MROH2B: variants seen among roughly 807,000 people sequenced by gnomAD.
MROH2B encodes maestro heat-like repeat-containing protein family member 2B.
In MROH2B, 177 loss-of-function variants were observed where a neutral mutation model predicts 208.6. The observed-to-expected ratio is 0.85, with a 90% CI of 0.75 to 0.96. MROH2B has a LOEUF of 0.96. MROH2B is among the 40% of genes least tolerant of loss of function. The pLI is 0.00. For synonymous variants in MROH2B, 728 were observed against 659.0 expected, an observed-to-expected ratio of 1.10 and a Z score of -1.60; for missense variants, 2,002 against 1,878.7, an observed-to-expected ratio of 1.07 and a Z score of -1.21.
chr5:41,054,127 G>A (rs937689677), intron 11 of MROH2B, among the ~76,000 whole-genome samples: 1 of 152,032 alleles, frequency 6.6e-6, no homozygotes, highest in East Asian at 1.9e-4. Context: ...TTACAGGTGT[G>A]AGCCAGCACA....
intron 4 of MROH2B, 132 bp downstream of exon 4, chr5:41,065,199 T>A: frequency 1.1e-6 from 1 of 921,618 alleles, no homozygotes; most frequent in Non-Finnish European, 1.6e-6. Context: ...GCTGCCCACA[T>A]CCCTCTGTCA....
intron 12 of MROH2B, 102 bp downstream of exon 12, chr5:41,052,363 C>G (rs1048967304): frequency 1.7e-6 from 2 of 1,154,930 alleles, no homozygotes; most frequent in African/African-American, 3.2e-5. Context: ...TTACTCTACT[C>G]CTGTGACAGA....
In MROH2B at chr5:40,998,674, G is replaced by C; in HGVS notation, c.4589C>G (p.Ala1530Gly). The change falls in exon 41 of 42, where the codon GCC becomes GGC. Residue 1530 changes from alanine (A) to glycine (G), a missense_variant. By Grantham distance (60) the Ala-to-Gly change is moderately conservative. Coordinates refer to ENST00000399564, the MANE Select transcript of MROH2B (RefSeq NM_173489.5). ...TTGGCTGGTCAAATTGAGAACAACG[G>C]CATCTAAAGTTAATAGGAGACCATG... is the stretch of plus-strand genomic sequence containing the variant. ...IRSAAVKLTDAVVLNLTSQYV... is the reference protein window; with the variant it reads ...IRSAAVKLTDGVVLNLTSQYV... 1 of 1,580,660 alleles carries C rather than the reference G, an allele frequency of 6.3e-7. No homozygotes were observed. The highest frequency in any genetic ancestry group is 1.2e-5 in the South Asian group (1 of 86,206).
rs747064951 is a variant in MROH2B at position 41,004,481 on chromosome 5, C to T, written c.4059G>A (p.Leu1353=). The T allele has an allele frequency of 1.9e-6, 3 of 1,613,778 alleles. No homozygotes were observed. The highest frequency in any genetic ancestry group is 1.3e-5 in the African/African-American group (1 of 74,908). ...QLMLESIIRG[L]YHLARTEVVC... is the part of the protein sequence containing the mutation. ...CGACTTCAGTGCGAGCTAGGTGATA[C>T]AGGCCTCTGATGATAGATTCTAGCA... The change falls in exon 37 of 42, where the codon CTG becomes CTA. Residue 1353 remains leucine (L), a synonymous_variant. Transcript: ENST00000399564.
intron 26 of MROH2B, 52 bp downstream of exon 26, chr5:41,018,639 G>A: frequency 6.3e-7 from 1 of 1,592,736 alleles, no homozygotes; most frequent in Admixed American, 1.7e-5. Flanking sequence ...AGTGGACATT[G>A]AAGAACAGAT....
chr5:41,005,140 C>A, intron 35 of MROH2B: 1 of 574,888 alleles, frequency 1.7e-6, no homozygotes, highest in Non-Finnish European at 3.0e-6. Flanking sequence ...CGGTTACCTG[C>A]ATAACAGATG....
At chr5:41,015,711 G>C (rs554614964) in intron 28 of MROH2B, among the ~76,000 whole-genome samples, 1 of 152,144 alleles carries the variant, frequency 6.6e-6, no homozygotes, top group African/African-American at 2.4e-5. Context: ...TCCTGTTCTC[G>C]TCTTGGTTTT....
rs139359856 is a variant in MROH2B, at chr5:41,070,121, G to T, written c.29-369C>A. Reference sequence around the variant, plus strand: ...CTGACTTAAGCATTAGAAGGCAGGGGTGCAACATAGCTGTTTATTTTTCAC... The same window carrying T: ...CTGACTTAAGCATTAGAAGGCAGGGTTGCAACATAGCTGTTTATTTTTCAC... On this transcript the variant is annotated intron_variant, in intron 1 of 41. Transcript: ENST00000399564. 8.9e-3 allele frequency among the ~76,000 whole-genome samples: 1,362 copies of T among 152,200 alleles called. 10 individuals are homozygous for T. Among genetic ancestry groups the T allele is most frequent in the Middle Eastern group, 0.024 (7 of 294 alleles).
intron 24 of MROH2B, among the ~76,000 whole-genome samples, chr5:41,025,977 A>C (rs1266859463): frequency 6.6e-6 from 1 of 152,166 alleles, no homozygotes; most frequent in Admixed American, 6.5e-5. Context: ...CCTTTGACAA[A>C]ATTCAACAGC....
Position 41,015,447 on chromosome 5 carries a change from A to G in MROH2B, c.2916T>C (p.Gly972=), listed in dbSNP as rs771307201. Residue 972 remains glycine, a synonymous_variant, in exon 29 of 42, where the codon GGT becomes GGC. Transcript: ENST00000399564. The part of the protein sequence containing the change: ...GIHLEVERLQ[G]LQEGLESDDV... ...CATCACTTTCCAGCCCTTCCTGCAA[A>G]CCCTGCAGTCTTTCCACTTCCAAGT... 6.2e-7 allele frequency: 1 copy of G among 1,613,536 alleles called. No individual in the cohort carries two copies. Among genetic ancestry groups the G allele is most frequent in the Non-Finnish European group, 8.5e-7 (1 of 1,179,660 alleles).
intron 4 of MROH2B, 52 bp from the exon 5 acceptor site, chr5:41,064,622 G>T: frequency 1.4e-6 from 2 of 1,445,740 alleles, no homozygotes. Context: ...CTCAAATTTG[G>T]GGTTCTGTGA....
chr5:41,024,181 A>G (rs1742262657), intron 24 of MROH2B, among the ~76,000 whole-genome samples: 1 of 152,338 alleles, frequency 6.6e-6, no homozygotes, highest in South Asian at 2.1e-4. Flanking sequence ...TTCACACATA[A>G]CAATATTAAC....
chr5:41,032,874 C>T (rs2150166810), intron 23 of MROH2B, 53 bp from the exon 24 acceptor site: 11 of 1,574,764 alleles, frequency 7.0e-6, no homozygotes, highest in Admixed American at 1.8e-5. Context: ...GGAAAGTTAC[C>T]AGATGCAGCT....
At position 41,004,404 on chromosome 5, in the gene MROH2B, C is replaced by T. The variant is rs753433063; in HGVS notation, c.4136G>A (p.Arg1379Gln). 8 of 1,613,972 alleles carry T rather than the reference C, an allele frequency of 5.0e-6. No individual in the cohort carries two copies. The highest frequency in any genetic ancestry group is 1.3e-5 in the African/African-American group (1 of 75,036). Residue 1379 changes from arginine to glutamine, a missense_variant, in exon 37 of 42, where the codon CGA becomes CAA. Arg to Gln is a conservative substitution (Grantham distance 43, BLOSUM62 1). Coordinates refer to ENST00000399564, the MANE Select transcript of MROH2B (RefSeq NM_173489.5). ...LKKILELLTD[R>Q]DVSFYFKEIV... ...TTCCTTGAAGTAGAAGCTCACGTCT[C>T]GGTCTGTCAGCAGCTCCAGGATTTT... is the stretch of plus-strand genomic sequence containing the variant.
chr5:41,000,396 C>T (rs770880199), intron 38 of MROH2B, 45 bp from the exon 39 acceptor site: 2 of 1,600,970 alleles, frequency 1.2e-6, no homozygotes, highest in East Asian at 2.2e-5. Flanking sequence ...ACGTTAGGAT[C>T]TCCTTCCAGA....
rs1258764312 is a variant in MROH2B, at chr5:41,039,531, A to G, written c.1978T>C (p.Cys660Arg). The change falls in exon 20 of 42, where the codon TGT (cysteine) becomes CGT (arginine). Residue 660 changes from cysteine to arginine, a missense_variant. Transcript: ENST00000399564. ...ACAATATCCAAATGGTTCTCGGCAC[A>G]GTATCCTAAAATAGATGTTATTCCC... is the stretch of plus-strand genomic sequence containing the variant. ...RQGITSILGY[C>R]AENHLDIVLK... The G allele has an allele frequency of 3.7e-6, 6 of 1,603,134 alleles. No homozygotes were observed. The South Asian group carries it at 4.5e-5, about 12-fold the overall frequency.
rs764345850 is a variant in MROH2B, at chr5:41,045,284, T to C, written c.1836+462A>G. On this transcript the variant is annotated intron_variant, in intron 18 of 41. Coordinates refer to ENST00000399564, the MANE Select transcript of MROH2B (RefSeq NM_173489.5). Reference sequence around the variant, plus strand: ...CTTTGTCACTGGAAATAAAAACCTATTTCTTTGGGCGCCCTTTCCTAGAAC... The same window carrying C: ...CTTTGTCACTGGAAATAAAAACCTACTTCTTTGGGCGCCCTTTCCTAGAAC... 5.3e-5 allele frequency among the ~76,000 whole-genome samples: 8 copies of C among 152,318 alleles called. No individual in the cohort carries two copies. The South Asian group carries it at 1.7e-3, about 32-fold the overall frequency.
chr5:41,005,548 C>A lies in MROH2B; in HGVS notation c.3847G>T (p.Ala1283Ser). 2 of 1,603,584 alleles carry A rather than the reference C, an allele frequency of 1.2e-6. No homozygotes were observed. Among genetic ancestry groups the A allele is most frequent in the Non-Finnish European group, 1.7e-6 (2 of 1,175,068 alleles). The stretch of plus-strand genomic sequence containing the variant: ...TCCCTTGCCTCAGAGAAGAAAGCTG[C>A]GCCGGTTATCCGGTAGTTCTCCGAG... ...SSSENYRITG[A>S]AFFSELMKEP... The change falls in exon 35 of 42, where the codon GCA becomes TCA. Residue 1283 changes from alanine to serine, a missense_variant. Physicochemically the swap from Ala to Ser is moderately conservative, Grantham distance 99. Transcript: ENST00000399564.
intron 37 of MROH2B, 27 bp from the exon 38 acceptor site, chr5:41,000,860 G>C: frequency 6.3e-7 from 1 of 1,595,256 alleles, no homozygotes; most frequent in Non-Finnish European, 8.5e-7. Context: ...ATGTCGTGGT[G>C]AATATCCTCT....
Sources: gnomAD v4.1 joint callset for allele counts (sites outside exome capture counted in the v4.1 genomes callset) on GRCh38, gnomAD v4.1.1 for gene constraint, MANE v1.5 for transcripts, NCBI Gene and HGNC (gene_info 2026-07-23, HGNC 2026-07-21) for gene names.